The following EDIL3 variants were observed in gnomAD, a reference collection of about 807,000 sequenced individuals.
EDIL3 encodes the protein EGF-like repeat and discoidin I-like domain-containing protein 3.
EDIL3 carries 37 observed loss-of-function variants against 67.4 expected under a neutral mutation model. The ratio of observed to expected loss-of-function variants is 0.55; its 90% CI spans 0.42 to 0.72. The LOEUF (loss-of-function observed/expected upper bound fraction) is 0.72. Ranked by LOEUF, EDIL3 falls within the 30% of genes least tolerant of loss-of-function variation. The pLI, the probability that EDIL3 is intolerant of heterozygous loss-of-function variation, is 0.00. For missense variants in EDIL3, 527 were observed against 586.3 expected (o/e 0.90, Z 1.04); for synonymous variants, 195 against 196.3 (o/e 0.99, Z 0.05).
intron 9 of EDIL3, among the ~76,000 whole-genome samples, chr5:84,025,747 T>G (rs1226504412): frequency 2.0e-5 from 3 of 152,110 alleles, no homozygotes; most frequent in Admixed American, 2.0e-4. Flanking sequence ...GCCAGCATAA[T>G]GTATTAGGCA....
intron 3 of EDIL3, among the ~76,000 whole-genome samples, chr5:84,217,749 CACACACACACACACAT>C (rs1744259119): frequency 1.3e-5 from 2 of 151,218 alleles, no homozygotes; most frequent in African/African-American, 2.4e-5. Context: ...CACACACACA[CACACACACACACACAT>C]CCTTCTGGTT....
chr5:84,101,522 C>T (rs1419127536), intron 6 of EDIL3, among the ~76,000 whole-genome samples: 1 of 152,024 alleles, frequency 6.6e-6, no homozygotes, highest in African/African-American at 2.4e-5. Flanking sequence ...CTACTAATAA[C>T]CATCAGCAAC....
At chr5:84,076,160 C>T (rs923204701) in intron 6 of EDIL3, among the ~76,000 whole-genome samples, 10 of 151,798 alleles carry the variant, frequency 6.6e-5, no homozygotes, top group Admixed American at 6.6e-4. Context: ...TCTTTCAAAT[C>T]TAGCTTAAGA....
chr5:83,968,161 G>A (rs1327401425), intron 9 of EDIL3, among the ~76,000 whole-genome samples: 1 of 152,028 alleles, frequency 6.6e-6, no homozygotes, highest in Non-Finnish European at 1.5e-5. Context: ...GGACAATATT[G>A]CTAGTTATTA....
intron 1 of EDIL3, among the ~76,000 whole-genome samples, chr5:84,355,508 C>A (rs1747462177): frequency 6.6e-6 from 1 of 152,052 alleles, no homozygotes; most frequent in African/African-American, 2.4e-5. Context: ...ATTCTCCATC[C>A]AGTTTGTTGG....
At chr5:83,958,824 T>C (rs560302459) in intron 10 of EDIL3, among the ~76,000 whole-genome samples, 1 of 151,498 alleles carries the variant, frequency 6.6e-6, no homozygotes, top group Non-Finnish European at 1.5e-5. Flanking sequence ...ATAAAACAAA[T>C]GTCACTTTCA....
In EDIL3 at chr5:83,963,312, C is replaced by T. The variant is rs1220000642; in HGVS notation, c.1186G>A (p.Ala396Thr). The part of the protein sequence containing the change: ...TKVTGIITQG[A>T]KDFGHVQFVG... ...AACTGTACATGACCAAAATCTTTAG[C>T]TCCTTGTGTAATGATGCCAGTCACT... Residue 396 changes from alanine (A) to threonine (T), a missense_variant, in exon 10 of 11, where the codon GCT becomes ACT. Physicochemically the swap from Ala to Thr is moderately conservative, Grantham distance 58. Transcript: ENST00000296591. 6.2e-7 allele frequency: 1 copy of T among 1,609,868 alleles called. No homozygotes were observed. Among genetic ancestry groups the T allele is most frequent in the Admixed American group, 1.7e-5 (1 of 59,666 alleles).
intron 2 of EDIL3, among the ~76,000 whole-genome samples, chr5:84,245,095 G>T (rs945633551): frequency 6.6e-6 from 1 of 152,058 alleles, no homozygotes; most frequent in Non-Finnish European, 1.5e-5. Flanking sequence ...TCTCTCATTG[G>T]TCTTGATTTT....
At chr5:84,064,972 G>T in intron 7 of EDIL3, 128 bp from the exon 8 acceptor site, 1 of 1,230,564 alleles carries the variant, frequency 8.1e-7, no homozygotes, top group Non-Finnish European at 1.1e-6. Context: ...GGAGCATGGA[G>T]CATTTGAGAA....
In EDIL3 at chr5:84,073,307, C is replaced by T. The variant is rs542970154; in HGVS notation, c.652-6701G>A. The stretch of plus-strand genomic sequence containing the variant: ...GGCACAAGACAAGGATGCCCTCTCT[C>T]ACCACTCCTATTCAACATAGTGTTG... On this transcript the variant is annotated intron_variant, in intron 6 of 10. Coordinates refer to ENST00000296591, the MANE Select transcript of EDIL3 (RefSeq NM_005711.5). 1.2e-4 allele frequency among the ~76,000 whole-genome samples: 18 copies of T among 152,242 alleles called. No homozygotes were observed. The South Asian group carries it at 3.1e-3, about 26-fold the overall frequency.
rs577488042 is a variant in EDIL3, at chr5:84,140,003, T to C, written c.356-2649A>G. ...AATGTAGATAGGGAACAGATTATGA[T>C]GAACCCTTAGTGCAGGCTGAGGCAA... On this transcript the variant is annotated intron_variant, in intron 4 of 10. Coordinates refer to ENST00000296591, the MANE Select transcript of EDIL3 (RefSeq NM_005711.5). 3.9e-5 allele frequency among the ~76,000 whole-genome samples: 6 copies of C among 152,292 alleles called. No homozygotes were observed. The East Asian group carries it at 1.2e-3, about 29-fold the overall frequency.
intron 3 of EDIL3, among the ~76,000 whole-genome samples, chr5:84,226,119 G>C (rs1332180344): frequency 6.6e-6 from 1 of 151,496 alleles, no homozygotes; most frequent in Non-Finnish European, 1.5e-5. Flanking sequence ...ATATTATATG[G>C]GGATATGTGA....
intron 4 of EDIL3, among the ~76,000 whole-genome samples, chr5:84,169,337 T>C (rs956510720): frequency 1.3e-4 from 20 of 152,084 alleles, no homozygotes; most frequent in African/African-American, 4.6e-4. Flanking sequence ...AACTACAGTA[T>C]AAAAACAGAA....
chr5:84,215,321 T>C (rs2018212222), intron 3 of EDIL3, among the ~76,000 whole-genome samples: 1 of 151,732 alleles, frequency 6.6e-6, no homozygotes, highest in Non-Finnish European at 1.5e-5. Context: ...TGGCACAATC[T>C]CGGCTCATTG....
chr5:84,192,326 A>G (rs752565153), intron 3 of EDIL3, among the ~76,000 whole-genome samples: 1 of 151,958 alleles, frequency 6.6e-6, no homozygotes, highest in Non-Finnish European at 1.5e-5. Context: ...AAGTCCATAA[A>G]TTTAAACTAA....
chr5:84,293,306 T>C (rs1229629634), intron 1 of EDIL3, among the ~76,000 whole-genome samples: 1 of 152,182 alleles, frequency 6.6e-6, no homozygotes, highest in Non-Finnish European at 1.5e-5. Context: ...CCTAAAAAGC[T>C]TATGAATAAA....
At chr5:84,338,914 T>C (rs1255156310) in intron 1 of EDIL3, among the ~76,000 whole-genome samples, 1 of 152,142 alleles carries the variant, frequency 6.6e-6, no homozygotes, top group Non-Finnish European at 1.5e-5. Context: ...AGTCTTAACA[T>C]TTTTATCAAG....
At chr5:83,975,169 G>A (rs772637482) in intron 9 of EDIL3, among the ~76,000 whole-genome samples, 2 of 151,928 alleles carry the variant, frequency 1.3e-5, no homozygotes, top group Non-Finnish European at 2.9e-5. Flanking sequence ...CTGCATGTGA[G>A]CAATAAGATG....
At chr5:84,078,383 A>G (rs545824076) in intron 6 of EDIL3, among the ~76,000 whole-genome samples, 6 of 152,196 alleles carry the variant, frequency 3.9e-5, no homozygotes, top group African/African-American at 2.4e-5. Flanking sequence ...ATATCTAAAA[A>G]ACATAAGAAT....
Sources: gnomAD v4.1 joint callset for allele counts (sites outside exome capture counted in the v4.1 genomes callset) on GRCh38, gnomAD v4.1.1 for gene constraint, MANE v1.5 for transcripts, NCBI Gene and HGNC (gene_info 2026-07-23, HGNC 2026-07-21) for gene names.